The following GRIK4 variants were observed in gnomAD, a reference collection of about 807,000 sequenced individuals.
GRIK4 encodes glutamate ionotropic receptor kainate type subunit 4.
GRIK4 carries 40 observed loss-of-function variants against 104.9 expected under a neutral mutation model. The observed-to-expected ratio is 0.38, with a 90% CI of 0.30 to 0.50. The LOEUF is 0.50. Among genes scored for constraint, GRIK4 ranks in the 20% least tolerant of loss-of-function variants. GRIK4 has a pLI of 0.93. For synonymous variants in GRIK4, 485 were observed against 524.9 expected, an observed-to-expected ratio of 0.92 and a Z score of 1.04; for missense variants, 1,047 against 1,308.1, an observed-to-expected ratio of 0.80 and a Z score of 3.08.
Position 120,819,844 on chromosome 11 carries a change from C to T in GRIK4, c.435C>T (p.Asp145=). 6.2e-7 allele frequency: 1 copy of T among 1,613,806 alleles called. No homozygotes were observed. The highest frequency in any genetic ancestry group is 1.1e-5 in the South Asian group (1 of 91,084). Residue 145 remains aspartate, a synonymous_variant, in exon 6 of 21, where the codon GAC becomes GAT. Transcript: ENST00000527524. This position sits in a 1 kb window ranked among gnomAD's most constrained non-coding sequence, Gnocchi z 4.3. ...TGAACCTCCACCCCAGCAACACTGA[C>T]ATCAGCGTGGCTGTAGCTGGGATCC... ...TTLNLHPSNT[D]ISVAVAGILN...
chr11:120,674,256 C>G (rs1333751651), intron 3 of GRIK4, among the ~76,000 whole-genome samples: 1 of 152,204 alleles, frequency 6.6e-6, no homozygotes, highest in Non-Finnish European at 1.5e-5. Context: ...TTTTCACCTG[C>G]TTTTCATCCA....
rs761011446 is a variant in GRIK4 at position 120,874,228 on chromosome 11, G to A, written c.1059+10G>A. 99 of 1,606,544 alleles carry A rather than the reference G, an allele frequency of 6.2e-5. No homozygotes were observed. Among genetic ancestry groups the A allele is most frequent in the Non-Finnish European group, 7.9e-5 (93 of 1,177,134 alleles). On this transcript the variant is annotated intron_variant, in intron 10 of 20. Transcript: ENST00000527524. ...GAACTACCTGCGCATGGTGAGGAGC[G>A]GCTGAGGCCCTGCAGGGCTGTGCCC...
chr11:120,754,220 G>A (rs1951613733), intron 3 of GRIK4, among the ~76,000 whole-genome samples: 1 of 151,998 alleles, frequency 6.6e-6, no homozygotes, highest in African/African-American at 2.4e-5. Flanking sequence ...TAGTAGATTG[G>A]CCAGGCTGGT....
intron 13 of GRIK4, among the ~76,000 whole-genome samples, chr11:120,938,226 AG>A (rs1943640639): frequency 6.6e-6 from 1 of 152,214 alleles, no homozygotes; most frequent in Non-Finnish European, 1.5e-5. Flanking sequence ...GAACGGCCCA[AG>A]CAACTGTCTA....
chr11:120,847,014 C>T lies in GRIK4; in HGVS notation c.744+10170C>T, dbSNP rs117359413. Among the ~76,000 whole-genome samples, 46 of 152,244 alleles carry T rather than the reference C, an allele frequency of 3.0e-4. No homozygotes were observed. The East Asian group carries it at 6.6e-3, about 22-fold the overall frequency. ...CACCCCCTTACCCAGAAGTATCTGT[C>T]CTGTGTCCTCACCTGCTCCGTAGAG... is the stretch of plus-strand genomic sequence containing the variant. On this transcript the variant is annotated intron_variant, in intron 8 of 20. Coordinates refer to ENST00000527524, the MANE Select transcript of GRIK4 (RefSeq NM_014619.5).
chr11:120,659,754 A>G (rs1413798854), intron 2 of GRIK4, among the ~76,000 whole-genome samples: 2 of 152,274 alleles, frequency 1.3e-5, no homozygotes, highest in Admixed American at 1.3e-4. Context: ...GTTTGAGACA[A>G]AGGCTCGCTC....
chr11:120,886,725 C>A (rs1955128548), intron 11 of GRIK4, among the ~76,000 whole-genome samples: 1 of 152,186 alleles, frequency 6.6e-6, no homozygotes, highest in Non-Finnish European at 1.5e-5. Context: ...CAGGAATGAG[C>A]AAATGTATGA....
chr11:120,906,500 G>A (rs1314759885), intron 13 of GRIK4, among the ~76,000 whole-genome samples: 1 of 152,242 alleles, frequency 6.6e-6, no homozygotes, highest in Non-Finnish European at 1.5e-5. Flanking sequence ...GAAAGCTTGA[G>A]TGACTTGTCG....
rs1276082621 is a variant in GRIK4, at chr11:120,986,072, G to A, written c.2683G>A (p.Ala895Thr). The stretch of plus-strand genomic sequence containing the variant: ...GCTCAGCAACGGGAAGCTGTGCGGG[G>A]CAGGGGAGCCCGACCAGCTCGCGCA... Reference protein sequence around the residue: ...ATLSNGKLCGAGEPDQLAQRL... With the variant: ...ATLSNGKLCGTGEPDQLAQRL... The change falls in exon 21 of 21, where the codon GCA becomes ACA. Residue 895 changes from alanine (A) to threonine (T), a missense_variant. Around this residue, in one of 3 missense-constraint regions of GRIK4, gnomAD observed 160 missense variants for 140.9 expected, o/e 1.14. Transcript: ENST00000527524. The A allele has an allele frequency of 2.0e-6, 3 of 1,516,676 alleles. No homozygotes were observed. Among genetic ancestry groups the A allele is most frequent in the Admixed American group, 4.2e-5 (2 of 47,578 alleles). 94.0% of individuals were successfully genotyped at this position (1,516,676 alleles called of 1,614,324 possible).
At chr11:120,906,431 T>G (rs926505226) in intron 13 of GRIK4, among the ~76,000 whole-genome samples, 1 of 152,228 alleles carries the variant, frequency 6.6e-6, no homozygotes, top group African/African-American at 2.4e-5. Flanking sequence ...TCTAATCCTC[T>G]TTAAACACAC....
chr11:120,762,993 T>C (rs188005818), intron 3 of GRIK4, among the ~76,000 whole-genome samples: 107 of 152,304 alleles, frequency 7.0e-4, no homozygotes, highest in South Asian at 1.2e-3. Context: ...CTTTTTCTAT[T>C]GTTTGGAATA....
At chr11:120,614,693 A>G (rs528028283) in intron 1 of GRIK4, among the ~76,000 whole-genome samples, 74 of 152,274 alleles carry the variant, frequency 4.9e-4, no homozygotes, top group Admixed American at 1.4e-3. Context: ...ACTGGCAGTG[A>G]TCTGATTTAT....
chr11:120,601,625 T>G, intron 1 of GRIK4, among the ~76,000 whole-genome samples: 1 of 149,748 alleles, frequency 6.7e-6, no homozygotes. Context: ...TTTTTTTTGG[T>G]TCTGTTGTTG....
Position 120,580,217 on chromosome 11 carries a change from TTC to T in GRIK4, c.-159+68332_-159+68333del, listed in dbSNP as rs774533901. Among the ~76,000 whole-genome samples the T allele has an allele frequency of 7.8e-3, 1,093 of 139,626 alleles. 8 individuals are homozygous for T. The highest frequency in any genetic ancestry group is 0.032 in the African/African-American group (1,032 of 32,246). The allele number at this position is 139,626 out of a possible 152,430, so 91.6% of individuals were successfully genotyped here. ...AAGGGTTCTTTCTTTCTTTCTTTCT[TTC>T]TTTCTTTCTTTCTTTCTTTCTTTCT... On this transcript the variant is annotated intron_variant, in intron 1 of 20. Coordinates refer to ENST00000527524, the MANE Select transcript of GRIK4 (RefSeq NM_014619.5).
intron 1 of GRIK4, among the ~76,000 whole-genome samples, chr11:120,532,341 G>A (rs925386478): frequency 6.6e-5 from 10 of 152,162 alleles, no homozygotes; most frequent in South Asian, 2.1e-4. Context: ...CCGGGGGTCC[G>A]CCCTGGGTGT....
At chr11:120,847,929 G>A (rs1953889298) in intron 8 of GRIK4, among the ~76,000 whole-genome samples, 1 of 152,214 alleles carries the variant, frequency 6.6e-6, no homozygotes, top group East Asian at 1.9e-4. Flanking sequence ...AAAAGAGAAT[G>A]GAAACCAGAG....
intron 1 of GRIK4, among the ~76,000 whole-genome samples, chr11:120,611,704 TTGG>T (rs1435733977): frequency 6.6e-6 from 1 of 152,204 alleles, no homozygotes; most frequent in Non-Finnish European, 1.5e-5. Context: ...CCATCTCTTG[TTGG>T]TGGAGTTTGC....
intron 3 of GRIK4, among the ~76,000 whole-genome samples, chr11:120,778,628 G>T (rs117414016): frequency 0.015 from 2,305 of 152,122 alleles, 21 homozygotes; most frequent in Non-Finnish European, 0.023. Flanking sequence ...CATGGAGTGG[G>T]CTAACATTTG....
chr11:120,855,993 C>G (rs751084236), intron 8 of GRIK4, among the ~76,000 whole-genome samples: 1 of 152,232 alleles, frequency 6.6e-6, no homozygotes, highest in Non-Finnish European at 1.5e-5. Flanking sequence ...CAGGGCCCAG[C>G]AGTTCAGGGG....
Sources: gnomAD v4.1 joint callset for allele counts (sites outside exome capture counted in the v4.1 genomes callset) on GRCh38, gnomAD v4.1.1 for gene constraint, gnomAD v4.1.1 regional missense constraint, Gnocchi (gnomAD v3.1) non-coding constraint, MANE v1.5 for transcripts, NCBI Gene and HGNC (gene_info 2026-07-23, HGNC 2026-07-21) for gene names.